The following BABAM2 variants were observed in gnomAD, a reference collection of about 807,000 sequenced individuals.
BABAM2 encodes the protein BRISC and BRCA1-A complex member 2.
A neutral mutation model predicts 54.7 loss-of-function variants in BABAM2; 31 were observed. The ratio of observed to expected loss-of-function variants is 0.57; its 90% CI spans 0.43 to 0.77. BABAM2 has a LOEUF of 0.77. Ranked by LOEUF, BABAM2 falls within the 30% of genes least tolerant of loss-of-function variation. BABAM2 has a pLI of 0.00. For missense variants in BABAM2, 364 were observed against 455.8 expected (o/e 0.80, Z 1.83); for synonymous variants, 167 against 162.9 (o/e 1.03, Z -0.19).
At chr2:28,002,060 TAAAA>T (rs5830060) in intron 4 of BABAM2, among the ~76,000 whole-genome samples, 2 of 140,030 alleles carry the variant, frequency 1.4e-5, no homozygotes, top group Admixed American at 7.1e-5. Flanking sequence ...ATCAAACAGG[TAAAA>T]AAAAAAAAAA....
At position 28,026,989 on chromosome 2, in the gene BABAM2, A is replaced by ATATATATAT. The variant is rs1558668326; in HGVS notation, c.495+1569_495+1570insTATATATAT. ...ATATATAAATATATAAATATATATA[A>ATATATATAT]AAATATATAAATATATATATAAAAG... On this transcript the variant is annotated intron_variant, in intron 5 of 11. Coordinates refer to ENST00000379624, the MANE Select transcript of BABAM2 (RefSeq NM_199191.3). Among the ~76,000 whole-genome samples, 321 of 109,982 alleles carry ATATATATAT rather than the reference A, an allele frequency of 2.9e-3. 2 individuals carry two copies. The highest frequency in any genetic ancestry group is 0.014 in the South Asian group (54 of 3,788). 72.2% of individuals were successfully genotyped at this position (109,982 alleles called of 152,430 possible).
chr2:28,244,003 T>C (rs1366497905), intron 9 of BABAM2, among the ~76,000 whole-genome samples: 2 of 152,220 alleles, frequency 1.3e-5, no homozygotes, highest in Non-Finnish European at 2.9e-5. Flanking sequence ...TGTCACATTA[T>C]GGCGACATCC....
intron 11 of BABAM2, among the ~76,000 whole-genome samples, chr2:28,324,792 A>G: frequency 6.6e-6 from 1 of 152,154 alleles, no homozygotes; most frequent in Non-Finnish European, 1.5e-5. Context: ...GCAGACAGAG[A>G]GAGACCTTGT....
At chr2:28,205,320 T>C (rs1309861883) in intron 7 of BABAM2, among the ~76,000 whole-genome samples, 1 of 151,732 alleles carries the variant, frequency 6.6e-6, no homozygotes, top group African/African-American at 2.4e-5. Flanking sequence ...GCCAACATGG[T>C]AAAACCCCGT....
intron 7 of BABAM2, among the ~76,000 whole-genome samples, chr2:28,167,734 A>G (rs2147838036): frequency 1.4e-5 from 2 of 138,154 alleles, no homozygotes; most frequent in East Asian, 2.3e-4. Flanking sequence ...ATAAATAAAT[A>G]AATAACGCAG....
At chr2:28,237,415 C>A in intron 8 of BABAM2, 114 bp downstream of exon 8, 2 of 877,582 alleles carry the variant, frequency 2.3e-6, no homozygotes, top group Non-Finnish European at 3.6e-6. Context: ...TCAGTTTCAG[C>A]CTCCATCTGA....
intron 6 of BABAM2, among the ~76,000 whole-genome samples, chr2:28,047,810 CAAT>C (rs1478105357): frequency 6.6e-6 from 1 of 152,046 alleles, no homozygotes; most frequent in Non-Finnish European, 1.5e-5. Flanking sequence ...AGTAAAACAA[CAAT>C]GACCAAAAAG....
At chr2:28,112,153 C>CTTTCTTTCTTTCTTT (rs1558346881) in intron 6 of BABAM2, among the ~76,000 whole-genome samples, 4 of 7,922 alleles carry the variant, frequency 5.0e-4, no homozygotes, top group Non-Finnish European at 7.9e-4. Flanking sequence ...TTCTTTACCT[C>CTTTCTTTCTTTCTTT]CCTCCCTCCC....
At chr2:28,226,627 G>C (rs1003072866) in intron 7 of BABAM2, among the ~76,000 whole-genome samples, 2 of 152,082 alleles carry the variant, frequency 1.3e-5, no homozygotes, top group Non-Finnish European at 2.9e-5. Context: ...AGATGGAAGG[G>C]GCTTATCTTA....
At chr2:28,271,089 G>C (rs568497310) in intron 10 of BABAM2, among the ~76,000 whole-genome samples, 1 of 152,292 alleles carries the variant, frequency 6.6e-6, no homozygotes, top group South Asian at 2.1e-4. Flanking sequence ...TCCCAGTTTG[G>C]AAGATAGCTG....
At chr2:28,161,207 G>A (rs1673059586) in intron 7 of BABAM2, among the ~76,000 whole-genome samples, 1 of 152,200 alleles carries the variant, frequency 6.6e-6, no homozygotes, top group Non-Finnish European at 1.5e-5. Flanking sequence ...GGAGCAGAGA[G>A]CACATGCCCA....
At position 28,145,533 on chromosome 2, in the gene BABAM2, T is replaced by C. The variant is rs886946802; in HGVS notation, c.680+16153T>C. Among the ~76,000 whole-genome samples, 4 of 152,232 alleles carry C rather than the reference T, an allele frequency of 2.6e-5. No homozygotes were observed. In the East Asian group the frequency reaches 5.8e-4, roughly 22 times the overall value. On this transcript the variant is annotated intron_variant, in intron 7 of 11. Coordinates refer to ENST00000379624, the MANE Select transcript of BABAM2 (RefSeq NM_199191.3). ...TCATTCTTTCCCTTTCCTTCACTAC[T>C]TTTTGCCTCAGCCTATTCTTTTATT...
chr2:27,987,676 A>C (rs1377836504), intron 3 of BABAM2, among the ~76,000 whole-genome samples: 2 of 151,822 alleles, frequency 1.3e-5, no homozygotes, highest in Non-Finnish European at 2.9e-5. Context: ...TTATCTGGGC[A>C]TGGTGACATG....
intron 3 of BABAM2, among the ~76,000 whole-genome samples, chr2:27,948,584 AAC>A: frequency 6.6e-6 from 1 of 152,314 alleles, no homozygotes; most frequent in Non-Finnish European, 1.5e-5. Context: ...CAGCCTGGCC[AAC>A]ATGGCAAAAC....
chr2:28,181,145 G>A (rs1315406289), intron 7 of BABAM2, among the ~76,000 whole-genome samples: 1 of 152,114 alleles, frequency 6.6e-6, no homozygotes, highest in African/African-American at 2.4e-5. Flanking sequence ...GTATATCTAA[G>A]GAGATACCTG....
chr2:28,055,762 TCAC>T (rs1481583090), intron 6 of BABAM2, among the ~76,000 whole-genome samples: 1 of 152,110 alleles, frequency 6.6e-6, no homozygotes, highest in Non-Finnish European at 1.5e-5. Context: ...GGAAATGAAA[TCAC>T]CACCTCATAA....
chr2:28,083,949 A>C (rs532530587), intron 6 of BABAM2, among the ~76,000 whole-genome samples: 171 of 152,336 alleles, frequency 1.1e-3, no homozygotes, highest in African/African-American at 4.1e-3. Context: ...TAATGAAGAC[A>C]AACCTACCTA....
rs772201598 is a variant in BABAM2 at position 28,087,656 on chromosome 2, G to GTT, written c.571-41604_571-41603dup. On this transcript the variant is annotated intron_variant, in intron 6 of 11. Coordinates refer to ENST00000379624, the MANE Select transcript of BABAM2 (RefSeq NM_199191.3). Reference sequence around the variant, plus strand: ...TTTGGGGGCTTCCTCAATATGAGGTGTTTTTTTTTTTTGACAGAGTCTCGC... The same window carrying GTT: ...TTTGGGGGCTTCCTCAATATGAGGTGTTTTTTTTTTTTTTGACAGAGTCTCGC... 1.5e-4 allele frequency among the ~76,000 whole-genome samples: 21 copies of GTT among 144,794 alleles called. No individual in the cohort carries two copies. The East Asian group carries it at 3.8e-3, about 26-fold the overall frequency. The allele number at this position is 144,794 out of a possible 152,430, so 95.0% of individuals were successfully genotyped here.
intron 10 of BABAM2, among the ~76,000 whole-genome samples, chr2:28,288,595 G>T (rs1224806812): frequency 1.3e-5 from 2 of 152,000 alleles, no homozygotes; most frequent in South Asian, 2.1e-4. Flanking sequence ...CAAAATGCTG[G>T]GATAGATTAT....
Sources: gnomAD v4.1 joint callset for allele counts (sites outside exome capture counted in the v4.1 genomes callset) on GRCh38, gnomAD v4.1.1 for gene constraint, MANE v1.5 for transcripts, NCBI Gene and HGNC (gene_info 2026-07-23, HGNC 2026-07-21) for gene names.